The following ANOS1 variants were observed in gnomAD, a reference collection of about 807,000 sequenced individuals.
The protein encoded by ANOS1 is anosmin 1.
Under a neutral mutation model 59.0 loss-of-function variants are expected in ANOS1, and 6 were observed. The ratio of observed to expected loss-of-function variants is 0.10; its 90% CI spans 0.06 to 0.20. ANOS1 has a LOEUF of 0.20. ANOS1 is among the 10% of genes least tolerant of loss of function. The pLI, the probability that ANOS1 is intolerant of heterozygous loss-of-function variation, is 1.00. For synonymous variants in ANOS1, 217 were observed against 223.4 expected (o/e 0.97, Z 0.25); for missense variants, 433 against 542.3 (o/e 0.80, Z 2.00).
intron 2 of ANOS1, among the ~76,000 whole-genome samples, chrX:8,627,409 G>T (rs767334408): frequency 4.5e-5 from 5 of 111,555 alleles, no homozygotes; most frequent in African/African-American, 1.3e-4. Flanking sequence ...ACAAAAACAG[G>T]CATATTTCTG....
rs923682757 is a variant in ANOS1, at chrX:8,724,893, C to T, written c.207+6937G>A. Among the ~76,000 whole-genome samples, 3 of 111,790 alleles carry T rather than the reference C, an allele frequency of 2.7e-5. No homozygotes were observed. The Admixed American group carries it at 2.8e-4, about 11-fold the overall frequency. ...AATCTAAAGCTTGAAAGAGTTATGGCTATCTTTGATTAATGTAAAGAGGAA... is the reference window on the plus strand; with the variant it reads ...AATCTAAAGCTTGAAAGAGTTATGGTTATCTTTGATTAATGTAAAGAGGAA... On this transcript the variant is annotated intron_variant, in intron 1 of 13. Transcript: ENST00000262648.
chrX:8,570,683 G>A lies in ANOS1; in HGVS notation c.878C>T (p.Pro293Leu), dbSNP rs1176399589. The change falls in exon 7 of 14, where the codon CCG becomes CTG. Residue 293 changes from proline (P) to leucine (L), a missense_variant. Physicochemically the swap from Pro to Leu is moderately conservative, Grantham distance 98. Coordinates refer to ENST00000262648, the MANE Select transcript of ANOS1 (RefSeq NM_000216.4). ...GGAGTTGGCCAGCCGGAGGTTAGCC[G>A]GTGCTGGTGGGGCAGATGGATCTGA... Reference protein sequence around the residue: ...SSKDPSAPPAPANLRLANSTV... With the variant: ...SSKDPSAPPALANLRLANSTV... 13 of 1,208,802 alleles carry A rather than the reference G, an allele frequency of 1.1e-5. No homozygotes were observed. In the African/African-American group the frequency reaches 1.7e-4, roughly 16 times the overall value.
intron 3 of ANOS1, among the ~76,000 whole-genome samples, chrX:8,617,771 ACT>A (rs1344942570): frequency 4.6e-5 from 5 of 109,707 alleles, no homozygotes; most frequent in African/African-American, 1.3e-4. Context: ...ACAGAGTCAG[ACT>A]CTGTCTCAAA....
At chrX:8,579,532 T>A (rs1240162030) in intron 6 of ANOS1, among the ~76,000 whole-genome samples, 1 of 112,141 alleles carries the variant, frequency 8.9e-6, no homozygotes, top group Non-Finnish European at 1.9e-5. Context: ...ATTCAAAATG[T>A]ATTAGATCCA....
In ANOS1 at chrX:8,548,506, G is replaced by A. The variant is rs751192703; in HGVS notation, c.1354+5446C>T. On this transcript the variant is annotated intron_variant, in intron 9 of 13. Coordinates refer to ENST00000262648, the MANE Select transcript of ANOS1 (RefSeq NM_000216.4). ...CTGTCACTTCAAAGAAAGTTTTAGC[G>A]TGAATATATAGAGAGGGCATGAGTT... 1.6e-4 allele frequency among the ~76,000 whole-genome samples: 18 copies of A among 112,085 alleles called. No homozygotes were observed. The East Asian group carries it at 3.1e-3, about 19-fold the overall frequency.
chrX:8,569,498 T>C lies in ANOS1; in HGVS notation c.1062+1001A>G, dbSNP rs781086864. Among the ~76,000 whole-genome samples the C allele has an allele frequency of 5.4e-3, 595 of 111,038 alleles. 2 individuals are homozygous for C. The highest frequency in any genetic ancestry group is 0.017 in the African/African-American group (525 of 30,514). On this transcript the variant is annotated intron_variant, in intron 7 of 13. Transcript: ENST00000262648. ...TCTACTAAAAATACAAAAAATTAGC[T>C]GGGTGTGGTGGCGGGCGCCTGTAGT...
chrX:8,630,385 G>C (rs763420050), intron 2 of ANOS1, among the ~76,000 whole-genome samples: 1 of 93,673 alleles, frequency 1.1e-5, no homozygotes, highest in African/African-American at 5.0e-5. Context: ...AGCTGAAATT[G>C]TGCCACTGCA....
At chrX:8,555,460 TAACAA>T (rs1929936129) in intron 8 of ANOS1, among the ~76,000 whole-genome samples, 1 of 110,503 alleles carries the variant, frequency 9.0e-6, no homozygotes, top group African/African-American at 3.3e-5. Flanking sequence ...TTGAAAACAT[TAACAA>T]AACAGATAGA....
intron 2 of ANOS1, among the ~76,000 whole-genome samples, chrX:8,667,086 T>C (rs1225299716): frequency 9.0e-6 from 1 of 111,656 alleles, no homozygotes; most frequent in Non-Finnish European, 1.9e-5. Context: ...TTAGAAATTA[T>C]AAACTCTGTC....
intron 2 of ANOS1, among the ~76,000 whole-genome samples, chrX:8,663,211 G>A (rs1232739601): frequency 9.0e-6 from 1 of 111,365 alleles, no homozygotes; most frequent in East Asian, 2.8e-4. Context: ...TGTTGTTTAA[G>A]CAAAGCTGTT....
At chrX:8,654,910 A>T (rs774389620) in intron 2 of ANOS1, among the ~76,000 whole-genome samples, 3 of 112,481 alleles carry the variant, frequency 2.7e-5, no homozygotes, top group Non-Finnish European at 5.6e-5. Flanking sequence ...ATCAGTGTCC[A>T]AACACGAAGT....
intron 9 of ANOS1, among the ~76,000 whole-genome samples, chrX:8,548,273 T>C (rs1242658210): frequency 8.9e-6 from 1 of 112,158 alleles, no homozygotes; most frequent in Non-Finnish European, 1.9e-5. Flanking sequence ...TAAGCTCTAT[T>C]TGTTTTTACA....
intron 6 of ANOS1, among the ~76,000 whole-genome samples, chrX:8,574,232 A>G (rs1930281779): frequency 9.3e-6 from 1 of 107,173 alleles, no homozygotes; most frequent in South Asian, 4.2e-4. Flanking sequence ...TGATGTCTCC[A>G]CGGCTGGCTC....
intron 2 of ANOS1, among the ~76,000 whole-genome samples, chrX:8,690,176 C>T (rs1053663799): frequency 9.0e-6 from 1 of 111,631 alleles, no homozygotes; most frequent in East Asian, 2.8e-4. Context: ...ACATTAATAT[C>T]CAAAATGAAG....
intron 2 of ANOS1, among the ~76,000 whole-genome samples, chrX:8,677,367 G>T (rs1224435264): frequency 8.9e-6 from 1 of 112,058 alleles, no homozygotes; most frequent in East Asian, 2.8e-4. Flanking sequence ...CAGAGATGGA[G>T]AATTTTCATT....
intron 8 of ANOS1, among the ~76,000 whole-genome samples, chrX:8,558,930 G>A (rs1929989134): frequency 8.9e-6 from 1 of 112,278 alleles, no homozygotes; most frequent in African/African-American, 3.2e-5. Flanking sequence ...CAGTACATCA[G>A]GTTGGGTAAT....
At chrX:8,646,401 T>C (rs1464183059) in intron 2 of ANOS1, among the ~76,000 whole-genome samples, 1 of 111,172 alleles carries the variant, frequency 9.0e-6, no homozygotes, top group South Asian at 3.9e-4. Flanking sequence ...TAGGATTTTG[T>C]GGGCCTAGTG....
intron 3 of ANOS1, among the ~76,000 whole-genome samples, chrX:8,622,965 T>C (rs1931318364): frequency 9.0e-6 from 1 of 110,591 alleles, no homozygotes; most frequent in African/African-American, 3.3e-5. Flanking sequence ...GATAGACAAA[T>C]AGATATAGAT....
intron 2 of ANOS1, among the ~76,000 whole-genome samples, chrX:8,668,383 TAG>T (rs1932191633): frequency 2.3e-5 from 2 of 85,863 alleles, no homozygotes; most frequent in Admixed American, 2.7e-4. Context: ...TATGGCTGAA[TAG>T]TATTCCATCA....
Sources: allele counts gnomAD v4.1 joint callset (sites outside exome capture counted in the v4.1 genomes callset), GRCh38; gene constraint gnomAD v4.1.1; transcripts MANE v1.5; gene names NCBI Gene and HGNC (gene_info 2026-07-23, HGNC 2026-07-21).